HECTD4: variants seen among roughly 807,000 people sequenced by gnomAD.
HECTD4 encodes the protein probable E3 ubiquitin-protein ligase HECTD4.
A neutral mutation model predicts 471.5 loss-of-function variants in HECTD4; 114 were observed. That is an observed-to-expected ratio of 0.24 (90% CI 0.21 to 0.28). The LOEUF (loss-of-function observed/expected upper bound fraction) is 0.28. HECTD4 is among the 10% of genes least tolerant of loss of function. The pLI, the probability that HECTD4 is intolerant of heterozygous loss-of-function variation, is 1.00. For synonymous variants in HECTD4, 2,012 were observed against 2,256.0 expected, an observed-to-expected ratio of 0.89 and a Z score of 3.07; for missense variants, 3,866 against 5,651.5, an observed-to-expected ratio of 0.68 and a Z score of 10.13.
At position 112,193,162 on chromosome 12, in the gene HECTD4, C is replaced by T. The variant is rs749011785; in HGVS notation, c.8985G>A (p.Glu2995=). ...TGACTTTGGATTCGGAAATTGGGAA[C>T]TCTTCGGAGGGGAACTGCTCTGGTG... The part of the protein sequence containing the change: ...QTAPEQFPSE[E]FPISESKVNM... Residue 2995 remains glutamate (E), a synonymous_variant, in exon 58 of 76, where the codon GAG becomes GAA. Transcript: ENST00000682272. The surrounding 1 kb of genome is among the most constrained non-coding windows in gnomAD (Gnocchi z 5.2). 6.2e-7 allele frequency: 1 copy of T among 1,613,958 alleles called. No homozygotes were observed. The highest frequency in any genetic ancestry group is 8.5e-7 in the Non-Finnish European group (1 of 1,179,878).
intron 44 of HECTD4, among the ~76,000 whole-genome samples, chr12:112,222,023 A>C (rs894922235): frequency 6.6e-6 from 1 of 151,364 alleles, no homozygotes; most frequent in Non-Finnish European, 1.5e-5. Flanking sequence ...TCCTGGGTTC[A>C]AGTGATTCTT....
rs560648737 is a variant in HECTD4 at position 112,204,187 on chromosome 12, C to T, written c.8269+299G>A. On this transcript the variant is annotated intron_variant, in intron 53 of 75. Coordinates refer to ENST00000682272, the MANE Select transcript of HECTD4 (RefSeq NM_001388303.1). ...CCTCTAGAGTAGCTGGGATTACAGG[C>T]GTGCGCCACCAGGCCCAGCTATTTT... Among the ~76,000 whole-genome samples, 10 of 152,324 alleles carry T rather than the reference C, an allele frequency of 6.6e-5. No homozygotes were observed. In the East Asian group the frequency reaches 1.5e-3, roughly 23 times the overall value.
Position 112,194,978 on chromosome 12 carries a change from A to G in HECTD4, c.8656T>C (p.Phe2886Leu). 6.2e-7 allele frequency: 1 copy of G among 1,611,662 alleles called. No homozygotes were observed. Among genetic ancestry groups the G allele is most frequent in the Non-Finnish European group, 8.5e-7 (1 of 1,178,998 alleles). ...GCAGGGATGTGGAAGAGGCGAGTGAACAAGTGAGGCAACTTCGGGGCGAAG... is the reference window on the plus strand; with the variant it reads ...GCAGGGATGTGGAAGAGGCGAGTGAGCAAGTGAGGCAACTTCGGGGCGAAG... Reference protein sequence around the residue: ...NIFAPKLPHLFTRLFHIPAIR... With the variant: ...NIFAPKLPHLLTRLFHIPAIR... Residue 2886 changes from phenylalanine to leucine, a missense_variant, in exon 56 of 76, where the codon TTC (phenylalanine) becomes CTC (leucine). This residue lies in a region of HECTD4 where 266 missense variants were observed against 441.6 expected (regional missense o/e 0.60). Transcript: ENST00000682272. The surrounding 1 kb of genome is among the most constrained non-coding windows in gnomAD (Gnocchi z 4.6).
intron 11 of HECTD4, among the ~76,000 whole-genome samples, chr12:112,272,786 C>A (rs1167645223): frequency 3.9e-5 from 6 of 152,182 alleles, no homozygotes; most frequent in Non-Finnish European, 5.9e-5. Context: ...TGTTTGTTTG[C>A]CACCAAGATG....
chr12:112,200,145 T>C (rs928406318), intron 55 of HECTD4, among the ~76,000 whole-genome samples: 2 of 150,468 alleles, frequency 1.3e-5, no homozygotes, highest in African/African-American at 4.9e-5. Context: ...CAGATGATTC[T>C]AGATCCCCCA....
At chr12:112,257,908 G>A (rs753394087) in intron 20 of HECTD4, among the ~76,000 whole-genome samples, 12 of 152,136 alleles carry the variant, frequency 7.9e-5, no homozygotes, top group Admixed American at 2.0e-4. Flanking sequence ...AGAAACAGCC[G>A]GCAGGGTGTG....
chr12:112,247,508 C>A lies in HECTD4; in HGVS notation c.4291G>T (p.Val1431Phe). The A allele has an allele frequency of 6.5e-7, 1 of 1,542,082 alleles. No homozygotes were observed. The change falls in exon 28 of 76, where the codon GTC becomes TTC. Residue 1431 changes from valine (V) to phenylalanine (F), a missense_variant. By Grantham distance (50) the Val-to-Phe change is conservative. Around this residue, in one of 16 missense-constraint regions of HECTD4, gnomAD observed 281 missense variants for 499.9 expected, o/e 0.56. Coordinates refer to ENST00000682272, the MANE Select transcript of HECTD4 (RefSeq NM_001388303.1). ...ELELLCSMKE[V>F]SFDGNDLENM... ...TCAAGATCATTCCCATCAAAGGAGA[C>A]TTCCTTCATTGAACATAAAAGTTCT...
At chr12:112,240,459 T>C (rs2033613381) in intron 32 of HECTD4, among the ~76,000 whole-genome samples, 1 of 151,754 alleles carries the variant, frequency 6.6e-6, no homozygotes, top group Non-Finnish European at 1.5e-5. Context: ...CTTTTCTTTT[T>C]TTTTTTTAGA....
chr12:112,196,299 T>C (rs1459614394), intron 55 of HECTD4, among the ~76,000 whole-genome samples: 1 of 152,156 alleles, frequency 6.6e-6, no homozygotes, highest in African/African-American at 2.4e-5. Context: ...TTGATGAGTG[T>C]ATGTGTGAAG....
chr12:112,222,564 G>C (rs1446576971), intron 44 of HECTD4, among the ~76,000 whole-genome samples: 1 of 152,200 alleles, frequency 6.6e-6, no homozygotes, highest in Non-Finnish European at 1.5e-5. Flanking sequence ...CTACTCGGTA[G>C]GCTGAGGCAG....
chr12:112,294,592 G>A (rs1347328702), intron 7 of HECTD4, among the ~76,000 whole-genome samples: 3 of 151,978 alleles, frequency 2.0e-5, no homozygotes, highest in Non-Finnish European at 4.4e-5. Context: ...TCAAACCCCT[G>A]GAGAGAAAGA....
At chr12:112,263,184 T>C (rs1801097746) in intron 17 of HECTD4, among the ~76,000 whole-genome samples, 1 of 152,228 alleles carries the variant, frequency 6.6e-6, no homozygotes, top group South Asian at 2.1e-4. Context: ...AAATTAAAAG[T>C]GCATGTATGT....
rs2032914948 is a variant in HECTD4, at chr12:112,216,347, A to G, written c.7410T>C (p.Asn2470=). ...TCTTCCACTGTAACAAACTGGAGCC[A>G]TTATAGTGCACGGCTCGGCCGTTGC... ...FHNNGRAVHY[N]GSSLLQWKSV... is the part of the protein sequence containing the mutation. Residue 2470 remains asparagine, a synonymous_variant, in exon 48 of 76, where the codon AAT becomes AAC. Coordinates refer to ENST00000682272, the MANE Select transcript of HECTD4 (RefSeq NM_001388303.1). 3.9e-6 allele frequency: 6 copies of G among 1,555,252 alleles called. No homozygotes were observed. Among genetic ancestry groups the G allele is most frequent in the Non-Finnish European group, 5.2e-6 (6 of 1,148,656 alleles).
At chr12:112,196,272 A>T (rs1419736053) in intron 55 of HECTD4, among the ~76,000 whole-genome samples, 1 of 152,242 alleles carries the variant, frequency 6.6e-6, no homozygotes, top group African/African-American at 2.4e-5. Context: ...TTAAAGAAAC[A>T]ACCCCATATG....
chr12:112,329,941 A>G (rs1174011447), intron 1 of HECTD4, among the ~76,000 whole-genome samples: 1 of 152,052 alleles, frequency 6.6e-6, no homozygotes, highest in East Asian at 1.9e-4. Flanking sequence ...GTGAGACCCC[A>G]TCTCTACTTT....
intron 44 of HECTD4, among the ~76,000 whole-genome samples, chr12:112,225,669 T>A (rs1209459740): frequency 1.3e-5 from 2 of 149,416 alleles, no homozygotes; most frequent in Non-Finnish European, 3.0e-5. Context: ...TAAAATAGAT[T>A]AAAAAGACAC....
intron 7 of HECTD4, among the ~76,000 whole-genome samples, chr12:112,285,852 A>G (rs1172215713): frequency 1.3e-5 from 2 of 151,824 alleles, no homozygotes; most frequent in Non-Finnish European, 2.9e-5. Flanking sequence ...CTCTTACTTC[A>G]TTGTCTTACC....
chr12:112,219,640 C>T (rs919640818), intron 44 of HECTD4, 151 bp from the exon 45 acceptor site: 3 of 529,850 alleles, frequency 5.7e-6, no homozygotes, highest in Non-Finnish European at 9.9e-6. Context: ...CGTTCTATTG[C>T]CCAGGCTGGA....
intron 1 of HECTD4, among the ~76,000 whole-genome samples, chr12:112,326,081 AC>A (rs1261598706): frequency 2.6e-5 from 4 of 152,096 alleles, no homozygotes; most frequent in Non-Finnish European, 4.4e-5. Flanking sequence ...GAGCCACCGC[AC>A]CTGGCCAACA....
Sources: allele counts gnomAD v4.1 joint callset (sites outside exome capture counted in the v4.1 genomes callset), GRCh38; gene constraint gnomAD v4.1.1; regional missense constraint gnomAD v4.1.1; non-coding constraint Gnocchi (gnomAD v3.1); transcripts MANE v1.5; gene names NCBI Gene and HGNC (gene_info 2026-07-23, HGNC 2026-07-21).